TOM1L2: variants seen among roughly 807,000 people sequenced by gnomAD.
The protein encoded by TOM1L2 is target of myb1 like 2 membrane trafficking protein.
Under a neutral mutation model 67.9 loss-of-function variants are expected in TOM1L2, and 31 were observed. The observed-to-expected ratio is 0.46, with a 90% CI of 0.34 to 0.62. The LOEUF is 0.62. TOM1L2 is among the 20% of genes least tolerant of loss of function. The probability of loss-of-function intolerance (pLI) is 0.01; values close to 1 mark genes in which losing one functional copy is unlikely to be tolerated. For synonymous variants in TOM1L2, 256 were observed against 254.0 expected, an observed-to-expected ratio of 1.01 and a Z score of -0.07; for missense variants, 606 against 663.5, an observed-to-expected ratio of 0.91 and a Z score of 0.95.
intron 2 of TOM1L2, among the ~76,000 whole-genome samples, chr17:17,904,865 T>C (rs2039017761): frequency 6.6e-6 from 1 of 152,174 alleles, no homozygotes; most frequent in Non-Finnish European, 1.5e-5. Context: ...CCAGGAAGCA[T>C]TGATACCCAC....
intron 1 of TOM1L2, among the ~76,000 whole-genome samples, chr17:17,965,182 C>T (rs962822531): frequency 6.6e-6 from 1 of 152,086 alleles, no homozygotes; most frequent in East Asian, 1.9e-4. Flanking sequence ...CTCCCTACCT[C>T]TGTAATGATA....
chr17:17,918,559 C>T (rs1049456322), intron 1 of TOM1L2, among the ~76,000 whole-genome samples: 2 of 152,186 alleles, frequency 1.3e-5, no homozygotes, highest in African/African-American at 4.8e-5. Flanking sequence ...GGAACCATAA[C>T]AGGATCTGCA....
At chr17:17,936,940 T>C (rs1304190574) in intron 1 of TOM1L2, among the ~76,000 whole-genome samples, 1 of 152,224 alleles carries the variant, frequency 6.6e-6, no homozygotes, top group Non-Finnish European at 1.5e-5. Flanking sequence ...CTTTGATTCT[T>C]CCACATTGTT....
intron 13 of TOM1L2, 75 bp from the exon 14 acceptor site, chr17:17,848,934 A>T: frequency 1.3e-6 from 2 of 1,519,376 alleles, no homozygotes; most frequent in Non-Finnish European, 1.8e-6. Flanking sequence ...CTGTCTGCCC[A>T]TGGCCACCCT....
intron 7 of TOM1L2, among the ~76,000 whole-genome samples, chr17:17,876,031 G>A (rs760905456): frequency 1.3e-5 from 2 of 152,292 alleles, no homozygotes; most frequent in South Asian, 2.1e-4. Context: ...GCTGATGAAC[G>A]GCCACAGAAG....
intron 7 of TOM1L2, chr17:17,871,831 C>T (rs1173082256): frequency 2.9e-6 from 1 of 347,520 alleles, no homozygotes; most frequent in Non-Finnish European, 4.1e-6. Flanking sequence ...GGACTCATCC[C>T]AGGCCCCACT....
At chr17:17,971,084 G>C (rs116701289) in intron 1 of TOM1L2, among the ~76,000 whole-genome samples, 570 of 152,192 alleles carry the variant, frequency 3.7e-3, no homozygotes, top group African/African-American at 0.013. Context: ...GGTGTCCCCA[G>C]GTGTCCACAT....
intron 1 of TOM1L2, among the ~76,000 whole-genome samples, chr17:17,913,991 G>C (rs2039519851): frequency 1.3e-5 from 2 of 152,134 alleles, no homozygotes; most frequent in Admixed American, 6.6e-5. Flanking sequence ...TAGCCAGCTG[G>C]CCTCTCCCCT....
At chr17:17,890,806 G>A (rs1462224781) in intron 4 of TOM1L2, among the ~76,000 whole-genome samples, 1 of 152,144 alleles carries the variant, frequency 6.6e-6, no homozygotes, top group African/African-American at 2.4e-5. Flanking sequence ...AATTTATCAA[G>A]TTGTATACAC....
At chr17:17,969,988 T>A (rs1016559332) in intron 1 of TOM1L2, among the ~76,000 whole-genome samples, 13 of 152,144 alleles carry the variant, frequency 8.5e-5, no homozygotes, top group African/African-American at 2.7e-4. Context: ...CTGACAGAAG[T>A]ATCAAGCTCT....
rs564541318 is a variant in TOM1L2, at chr17:17,890,608, C to T, written c.366+3053G>A. ...GCAACGAAAGACCTAGAATCACAGGCAACAATGCGTGTGACACCCACAAAC... is the reference window on the plus strand; with the variant it reads ...GCAACGAAAGACCTAGAATCACAGGTAACAATGCGTGTGACACCCACAAAC... On this transcript the variant is annotated intron_variant, in intron 4 of 14. Coordinates refer to ENST00000379504, the MANE Select transcript of TOM1L2 (RefSeq NM_001082968.2). 2.0e-5 allele frequency among the ~76,000 whole-genome samples: 3 copies of T among 152,258 alleles called. No individual in the cohort carries two copies. The East Asian group carries it at 5.8e-4, about 29-fold the overall frequency.
chr17:17,876,833 G>C (rs1437304838), intron 7 of TOM1L2, among the ~76,000 whole-genome samples: 1 of 152,234 alleles, frequency 6.6e-6, no homozygotes, highest in South Asian at 2.1e-4. Context: ...CCATTTGAAA[G>C]CAAGAGGGCT....
At chr17:17,925,389 G>A (rs1568294864) in intron 1 of TOM1L2, among the ~76,000 whole-genome samples, 1 of 152,122 alleles carries the variant, frequency 6.6e-6, no homozygotes, top group African/African-American at 2.4e-5. Context: ...TAATCAGTGT[G>A]TTGAAGTATT....
chr17:17,965,774 T>A (rs529488726), intron 1 of TOM1L2, among the ~76,000 whole-genome samples: 1 of 152,214 alleles, frequency 6.6e-6, no homozygotes, highest in African/African-American at 2.4e-5. Flanking sequence ...ATGTATAAAG[T>A]GCCCACTTCA....
intron 7 of TOM1L2, among the ~76,000 whole-genome samples, chr17:17,872,709 C>T (rs778407290): frequency 6.6e-5 from 10 of 152,252 alleles, no homozygotes; most frequent in Non-Finnish European, 1.5e-4. Flanking sequence ...TGCTCCAGCG[C>T]TCCAGGTGTC....
chr17:17,859,772 T>G (rs568752536), intron 12 of TOM1L2: 1 of 152,166 alleles, frequency 6.6e-6, no homozygotes, highest in Non-Finnish European at 1.5e-5. Flanking sequence ...TACCAGCTAC[T>G]CAGGAGGCTG....
chr17:17,876,057 C>G (rs1308819408), intron 7 of TOM1L2, among the ~76,000 whole-genome samples: 2 of 152,204 alleles, frequency 1.3e-5, no homozygotes, highest in Non-Finnish European at 2.9e-5. Flanking sequence ...ATATTTTTGG[C>G]ATCATTGTAT....
At chr17:17,928,031 G>A (rs1039338683) in intron 1 of TOM1L2, among the ~76,000 whole-genome samples, 3 of 152,174 alleles carry the variant, frequency 2.0e-5, no homozygotes, top group Non-Finnish European at 4.4e-5. Context: ...CAGGATAAAA[G>A]TGTGTGGGGC....
intron 1 of TOM1L2, among the ~76,000 whole-genome samples, chr17:17,930,377 G>C (rs1379404682): frequency 1.3e-5 from 2 of 152,158 alleles, no homozygotes; most frequent in African/African-American, 4.8e-5. Context: ...AGGGGGGTCT[G>C]GGAATGTGTA....
Sources: gnomAD v4.1 joint callset for allele counts (sites outside exome capture counted in the v4.1 genomes callset) on GRCh38, gnomAD v4.1.1 for gene constraint, MANE v1.5 for transcripts, NCBI Gene and HGNC (gene_info 2026-07-23, HGNC 2026-07-21) for gene names.